NECTIN3: variants seen among roughly 807,000 people sequenced by gnomAD.
NECTIN3 encodes nectin cell adhesion molecule 3.
In NECTIN3, 8 loss-of-function variants were observed where a neutral mutation model predicts 49.4. That is an observed-to-expected ratio of 0.16 (90% confidence interval 0.10 to 0.29). The LOEUF (loss-of-function observed/expected upper bound fraction) is 0.29. NECTIN3 is among the 10% of genes least tolerant of loss of function. The pLI, the probability that NECTIN3 is intolerant of heterozygous loss-of-function variation, is 1.00. For synonymous variants in NECTIN3, 277 were observed against 241.1 expected (o/e 1.15, Z -1.38); for missense variants, 581 against 654.6 (o/e 0.89, Z 1.23).
intron 4 of NECTIN3, among the ~76,000 whole-genome samples, chr3:111,125,192 C>G (rs1483878783): frequency 6.6e-6 from 1 of 151,832 alleles, no homozygotes; most frequent in Non-Finnish European, 1.5e-5. Context: ...CCATGCCCAA[C>G]TAATTTTTGT....
intron 7 of NECTIN3, among the ~76,000 whole-genome samples, chr3:111,174,638 A>G (rs1576180076): frequency 6.7e-6 from 1 of 149,732 alleles, no homozygotes; most frequent in Non-Finnish European, 1.5e-5. Context: ...CTGAAACGGG[A>G]GGGTTCCTTG....
chr3:111,081,209 A>G (rs1040728170), intron 1 of NECTIN3, among the ~76,000 whole-genome samples: 3 of 152,240 alleles, frequency 2.0e-5, no homozygotes, highest in African/African-American at 7.2e-5. Context: ...TGAGCCCGGA[A>G]GGCTGAGGCT....
intron 6 of NECTIN3, among the ~76,000 whole-genome samples, chr3:111,145,709 G>T (rs2107508409): frequency 6.6e-6 from 1 of 152,304 alleles, no homozygotes; most frequent in East Asian, 1.9e-4. Context: ...ACATGGTTGA[G>T]ATGATAGTAG....
intron 1 of NECTIN3, chr3:111,193,123 A>G: frequency 3.1e-6 from 4 of 1,295,998 alleles, no homozygotes; most frequent in East Asian, 2.5e-5. Flanking sequence ...AGTGAATTCT[A>G]TTCTTGCCTG....
chr3:111,148,615 G>T (rs774605909), intron 7 of NECTIN3, among the ~76,000 whole-genome samples: 11 of 152,094 alleles, frequency 7.2e-5, no homozygotes, highest in Non-Finnish European at 1.2e-4. Context: ...AACTGAAAAA[G>T]TAGCTCATTA....
intron 5 of NECTIN3, among the ~76,000 whole-genome samples, chr3:111,132,834 T>G (rs2034442443): frequency 6.6e-6 from 1 of 151,982 alleles, no homozygotes; most frequent in South Asian, 2.1e-4. Context: ...AATGTTTAGA[T>G]AACTTGCCCA....
rs2035276772 is a variant in NECTIN3 at position 111,164,375 on chromosome 3, C to T, written c.1221+16891C>T. ...TTCTCTCAACTGTAGACTATCATGT[C>T]CTGCCCTGGTTTTGCATAGTCAGCC... On this transcript the variant is annotated intron_variant, in intron 7 of 8. Transcript: ENST00000493615. Among the ~76,000 whole-genome samples, 14 of 152,290 alleles carry T rather than the reference C, an allele frequency of 9.2e-5. No individual in the cohort carries two copies. The South Asian group carries it at 2.5e-3, about 27-fold the overall frequency.
At chr3:111,183,228 C>T (rs1002649072) in intron 7 of NECTIN3, among the ~76,000 whole-genome samples, 6 of 151,738 alleles carry the variant, frequency 4.0e-5, no homozygotes, top group African/African-American at 9.7e-5. Flanking sequence ...GTTTGAAGTC[C>T]GTTTTCTTCA....
chr3:111,166,515 G>A (rs2035322576), intron 7 of NECTIN3, among the ~76,000 whole-genome samples: 1 of 152,188 alleles, frequency 6.6e-6, no homozygotes, highest in Non-Finnish European at 1.5e-5. Context: ...ATAGGACCCT[G>A]AGTTTAGGGA....
At chr3:111,079,455 A>G (rs1054454229) in intron 1 of NECTIN3, among the ~76,000 whole-genome samples, 5 of 152,092 alleles carry the variant, frequency 3.3e-5, no homozygotes, top group Admixed American at 2.0e-4. Flanking sequence ...ATAATCATTC[A>G]TGGCTATACA....
At chr3:111,190,419 A>T (rs2035794732), upstream of NECTIN3, among the ~76,000 whole-genome samples, 1 of 152,220 alleles carries the variant, frequency 6.6e-6, no homozygotes, top group African/African-American at 2.4e-5. Flanking sequence ...GGGATGGAGG[A>T]GGATGACTAT....
chr3:111,098,600 T>G (rs1466482333), intron 1 of NECTIN3, among the ~76,000 whole-genome samples: 1 of 152,210 alleles, frequency 6.6e-6, no homozygotes, highest in African/African-American at 2.4e-5. Flanking sequence ...ACCTGGATAA[T>G]CCAGTGTCAT....
rs573482116 is a variant in NECTIN3 at position 111,173,265 on chromosome 3, A to G, written c.1222-19086A>G. On this transcript the variant is annotated intron_variant, in intron 7 of 8. Transcript: ENST00000493615. The stretch of plus-strand genomic sequence containing the variant: ...TACAAGACCAGTGATCTTTTCCTCC[A>G]GGTGATAACATTTAGCCCCTCCCAT... Among the ~76,000 whole-genome samples the G allele has an allele frequency of 4.0e-4, 61 of 152,332 alleles. 1 individual carries two copies. In the South Asian group the frequency reaches 0.012, roughly 31 times the overall value.
chr3:111,071,947 C>T lies in NECTIN3; in HGVS notation c.-71C>T. On this transcript the variant is annotated 5_prime_UTR_variant, in exon 1 of 6. Coordinates refer to ENST00000485303, the MANE Select transcript of NECTIN3 (RefSeq NM_015480.3). Reference sequence around the variant, plus strand: ...CGCCGGACCTTCCACAGCCTCCGCCCAGAGCCTGAGGCGCCGGGGCCGGGG... The same window carrying T: ...CGCCGGACCTTCCACAGCCTCCGCCTAGAGCCTGAGGCGCCGGGGCCGGGG... 2 of 1,193,266 alleles carry T rather than the reference C, an allele frequency of 1.7e-6. No homozygotes were observed. Among genetic ancestry groups the T allele is most frequent in the African/African-American group, 3.3e-5 (2 of 60,752 alleles). The allele number at this position is 1,193,266 out of a possible 1,614,324, so 73.9% of individuals were successfully genotyped here. A position where few individuals can be genotyped will look rare whatever the true frequency, so the allele number is the denominator to read the frequency against.
chr3:111,164,893 T>C (rs1214660150), intron 7 of NECTIN3, among the ~76,000 whole-genome samples: 7 of 152,162 alleles, frequency 4.6e-5, no homozygotes, highest in Non-Finnish European at 8.8e-5. Flanking sequence ...CACACCACCA[T>C]GTAACTCAGG....
intron 1 of NECTIN3, among the ~76,000 whole-genome samples, chr3:111,097,915 C>T (rs1358117914): frequency 6.6e-6 from 1 of 152,176 alleles, no homozygotes; most frequent in Non-Finnish European, 1.5e-5. Context: ...TGAAGCTGCT[C>T]TGACAGAAGC....
intron 7 of NECTIN3, among the ~76,000 whole-genome samples, chr3:111,177,476 G>GC (rs1221548685): frequency 6.6e-6 from 1 of 152,070 alleles, no homozygotes; most frequent in African/African-American, 2.4e-5. Context: ...ATGATTTTTG[G>GC]CATAGCTTCT....
intron 1 of NECTIN3, among the ~76,000 whole-genome samples, chr3:111,082,399 G>A (rs960481220): frequency 1.1e-4 from 16 of 151,924 alleles, no homozygotes; most frequent in Admixed American, 7.9e-4. Flanking sequence ...AGAGTGAGAA[G>A]AAAAAAGTGG....
intron 1 of NECTIN3, among the ~76,000 whole-genome samples, chr3:111,082,843 C>T (rs533671244): frequency 2.6e-5 from 4 of 152,330 alleles, no homozygotes; most frequent in Admixed American, 6.5e-5. Context: ...TTTCCTGCAA[C>T]TAGACAGTCC....
Sources: gnomAD v4.1 joint callset for allele counts (sites outside exome capture counted in the v4.1 genomes callset) on GRCh38, gnomAD v4.1.1 for gene constraint, MANE v1.5 for transcripts, NCBI Gene and HGNC (gene_info 2026-07-23, HGNC 2026-07-21) for gene names.